Variants in ROBO2 observed in about 807,000 individuals in gnomAD.
ROBO2 encodes roundabout guidance receptor 2.
In ROBO2, 53 loss-of-function variants were observed where a neutral mutation model predicts 160.8. The ratio of observed to expected loss-of-function variants is 0.33; its 90% CI spans 0.26 to 0.41. The LOEUF is 0.41. Among genes scored for constraint, ROBO2 ranks in the 10% least tolerant of loss-of-function variants. ROBO2 has a pLI of 1.00. For synonymous variants in ROBO2, 664 were observed against 611.7 expected, an observed-to-expected ratio of 1.09 and a Z score of -1.26; for missense variants, 1,577 against 1,722.4, an observed-to-expected ratio of 0.92 and a Z score of 1.49.
intron 2 of ROBO2, among the ~76,000 whole-genome samples, chr3:76,649,412 C>A (rs2091147956): frequency 6.6e-6 from 1 of 152,106 alleles, no homozygotes; most frequent in Admixed American, 6.5e-5. Flanking sequence ...CAGCTCCAGA[C>A]ATAACACAAG....
chr3:76,709,400 G>A (rs914495769), intron 2 of ROBO2, among the ~76,000 whole-genome samples: 1 of 152,172 alleles, frequency 6.6e-6, no homozygotes, highest in African/African-American at 2.4e-5. Context: ...CAGGAAGAAA[G>A]GGTAGGGATT....
chr3:77,427,382 G>A (rs1353958355), intron 2 of ROBO2, among the ~76,000 whole-genome samples: 1 of 152,210 alleles, frequency 6.6e-6, no homozygotes, highest in Admixed American at 6.5e-5. Flanking sequence ...TAAAATGGGT[G>A]CAATTGCTAT....
intron 2 of ROBO2, among the ~76,000 whole-genome samples, chr3:76,102,400 C>G (rs1253645490): frequency 6.6e-6 from 1 of 151,894 alleles, no homozygotes; most frequent in Non-Finnish European, 1.5e-5. Context: ...TATTGGATAC[C>G]AGGGTTATAG....
At chr3:76,627,633 A>G (rs1044948204) in intron 2 of ROBO2, among the ~76,000 whole-genome samples, 1 of 151,868 alleles carries the variant, frequency 6.6e-6, no homozygotes, top group Non-Finnish European at 1.5e-5. Flanking sequence ...CTAAGCTTCA[A>G]TTTCTTTGAA....
intron 2 of ROBO2, among the ~76,000 whole-genome samples, chr3:76,766,439 T>C (rs185292908): frequency 3.3e-5 from 5 of 151,642 alleles, no homozygotes; most frequent in Admixed American, 1.3e-4. Context: ...TGCTGTAAAG[T>C]GTAAATAAGA....
At chr3:76,654,931 A>ATATATG in intron 2 of ROBO2, among the ~76,000 whole-genome samples, 1 of 147,764 alleles carries the variant, frequency 6.8e-6, no homozygotes. Flanking sequence ...ATATATATTT[A>ATATATG]TATATATAAA....
chr3:76,715,492 TC>T (rs1159202206), intron 2 of ROBO2, among the ~76,000 whole-genome samples: 1 of 152,194 alleles, frequency 6.6e-6, no homozygotes, highest in African/African-American at 2.4e-5. Context: ...ACTTAACAGT[TC>T]TCAAAGCATT....
intron 1 of ROBO2, among the ~76,000 whole-genome samples, chr3:75,929,627 A>G (rs1434499508): frequency 2.6e-5 from 4 of 151,844 alleles, no homozygotes; most frequent in Non-Finnish European, 5.9e-5. Context: ...TTGAAACTCA[A>G]ACCCCTTGGA....
At chr3:76,066,823 A>G (rs1378513563) in intron 2 of ROBO2, among the ~76,000 whole-genome samples, 1 of 151,938 alleles carries the variant, frequency 6.6e-6, no homozygotes, top group Non-Finnish European at 1.5e-5. Flanking sequence ...ATAATATTTT[A>G]TATAAATATT....
intron 4 of ROBO2, among the ~76,000 whole-genome samples, chr3:77,485,428 G>GTTTTCT (rs965747209): frequency 6.6e-6 from 1 of 151,934 alleles, no homozygotes; most frequent in South Asian, 2.1e-4. Flanking sequence ...TATGTGATCA[G>GTTTTCT]TTTTCTTTTT....
intron 2 of ROBO2, among the ~76,000 whole-genome samples, chr3:76,374,483 C>T (rs544654681): frequency 4.7e-4 from 72 of 151,920 alleles, no homozygotes; most frequent in African/African-American, 1.6e-3. Context: ...GAAAAATAGC[C>T]GTGTTCTCTA....
intron 2 of ROBO2, among the ~76,000 whole-genome samples, chr3:77,222,019 A>T (rs1353584484): frequency 6.6e-6 from 1 of 151,522 alleles, no homozygotes; most frequent in African/African-American, 2.4e-5. Context: ...CTCCCAGCTA[A>T]TTTTTGCGTT....
chr3:76,053,175 T>G (rs1183610381), intron 2 of ROBO2, among the ~76,000 whole-genome samples: 2 of 152,024 alleles, frequency 1.3e-5, no homozygotes, highest in African/African-American at 4.8e-5. Flanking sequence ...GGGTCAGTTT[T>G]GCTTTTTACG....
chr3:76,639,915 CTG>C (rs769423610), intron 2 of ROBO2, among the ~76,000 whole-genome samples: 72 of 152,298 alleles, frequency 4.7e-4, no homozygotes, highest in African/African-American at 8.2e-4. Flanking sequence ...TTGAATAAGT[CTG>C]TGTCGACTGG....
intron 2 of ROBO2, among the ~76,000 whole-genome samples, chr3:77,206,647 T>C (rs921009748): frequency 6.6e-6 from 1 of 152,112 alleles, no homozygotes; most frequent in African/African-American, 2.4e-5. Context: ...ATAAAGAAGA[T>C]AATATATATT....
chr3:76,661,145 C>A (rs1187446226), intron 2 of ROBO2, among the ~76,000 whole-genome samples: 2 of 152,092 alleles, frequency 1.3e-5, no homozygotes, highest in Non-Finnish European at 2.9e-5. Flanking sequence ...TTAATTGAAT[C>A]TGTTTGGTCA....
At chr3:77,529,479 C>T (rs754533136) in intron 6 of ROBO2, among the ~76,000 whole-genome samples, 10 of 151,636 alleles carry the variant, frequency 6.6e-5, no homozygotes, top group Admixed American at 2.0e-4. Context: ...ATTTAAAGTA[C>T]AGATCTTTGT....
rs556344832 is a variant in ROBO2 at position 76,858,082 on chromosome 3, A to G, written c.110-239932A>G. Among the ~76,000 whole-genome samples, 71 of 151,946 alleles carry G rather than the reference A, an allele frequency of 4.7e-4. 1 individual carries two copies. The highest frequency in any genetic ancestry group is 1.6e-3 in the African/African-American group (68 of 41,460). ...ATTCCCTGGATCCCCATTATACCCT[A>G]GTACGCTCCCAGCATAGCACTCGCT... On this transcript the variant is annotated intron_variant, in intron 2 of 26. Coordinates refer to the ROBO2 transcript ENST00000487694.
chr3:76,109,527 A>ACTCCACACG, intron 2 of ROBO2, among the ~76,000 whole-genome samples: 1 of 151,982 alleles, frequency 6.6e-6, no homozygotes, highest in Middle Eastern at 3.4e-3. Context: ...TTCCTCCTTA[A>ACTCCACACG]CTCCACACGT....
Sources: allele counts gnomAD v4.1 joint callset (sites outside exome capture counted in the v4.1 genomes callset), GRCh38; gene constraint gnomAD v4.1.1; transcripts MANE v1.5; gene names NCBI Gene and HGNC (gene_info 2026-07-23, HGNC 2026-07-21).